The following PAFAH1B2 variants were observed in gnomAD, a reference collection of about 807,000 sequenced individuals.
PAFAH1B2 encodes the protein platelet activating factor acetylhydrolase 1b catalytic subunit 2, also known as platelet-activating factor acetylhydrolase IB subunit alpha2.
Under a neutral mutation model 28.0 loss-of-function variants are expected in PAFAH1B2, and 8 were observed. The observed-to-expected ratio is 0.29, with a 90% confidence interval of 0.17 to 0.52. PAFAH1B2 has a LOEUF of 0.52. Among genes scored for constraint, PAFAH1B2 ranks in the 20% least tolerant of loss-of-function variants. The pLI, the probability that PAFAH1B2 is intolerant of heterozygous loss-of-function variation, is 0.97. For synonymous variants in PAFAH1B2, 104 were observed against 103.2 expected (o/e 1.01, Z -0.05); for missense variants, 190 against 282.6 (o/e 0.67, Z 2.35).
downstream of PAFAH1B2, among the ~76,000 whole-genome samples, chr11:117,172,796 T>C (rs1333207669): frequency 6.6e-6 from 1 of 152,216 alleles, no homozygotes; most frequent in Non-Finnish European, 1.5e-5. Flanking sequence ...CTCTGCCTCC[T>C]GGATTCATGT....
chr11:117,149,430 G>GTTT lies in PAFAH1B2; in HGVS notation c.-7-2999_-7-2997dup, dbSNP rs746125678. On this transcript the variant is annotated intron_variant, in intron 1 of 5. Coordinates refer to ENST00000527958, the MANE Select transcript of PAFAH1B2 (RefSeq NM_002572.4). Reference sequence around the variant, plus strand: ...TTAATTTAAAAAAAGTTTTCTAATCGTTTTTTTTTTTTTTGAGATGGAGTC... The same window carrying GTTT: ...TTAATTTAAAAAAAGTTTTCTAATCGTTTTTTTTTTTTTTTTTGAGATGGAGTC... Among the ~76,000 whole-genome samples, 13 of 86,050 alleles carry GTTT rather than the reference G, an allele frequency of 1.5e-4. 5 individuals are homozygous for GTTT. Among genetic ancestry groups the GTTT allele is most frequent in the African/African-American group, 4.2e-4 (9 of 21,568 alleles). 56.5% of individuals were successfully genotyped at this position (86,050 alleles called of 152,430 possible). A position where few individuals can be genotyped will look rare whatever the true frequency, so the allele number is the denominator to read the frequency against.
At chr11:117,162,953 A>G (rs1243448754) in intron 4 of PAFAH1B2, among the ~76,000 whole-genome samples, 1 of 152,052 alleles carries the variant, frequency 6.6e-6, no homozygotes, top group Non-Finnish European at 1.5e-5. Flanking sequence ...CAGTGTCCCA[A>G]AGCATTGAGA....
intron 4 of PAFAH1B2, among the ~76,000 whole-genome samples, chr11:117,162,749 G>A (rs560611340): frequency 9.2e-5 from 14 of 151,964 alleles, no homozygotes; most frequent in East Asian, 5.8e-4. Flanking sequence ...GGAAGACTCC[G>A]TTTCAAAAAT....
At position 117,156,320 on chromosome 11, in the gene PAFAH1B2, A is replaced by G. The variant is rs137980769; in HGVS notation, c.82-3614A>G. Among the ~76,000 whole-genome samples, 61 of 152,364 alleles carry G rather than the reference A, an allele frequency of 4.0e-4. 1 individual carries two copies. In the East Asian group the frequency reaches 6.2e-3, roughly 15 times the overall value. ...TCAAGTACCTAGTGGGTGCCAGTCA[A>G]TAGCTGGGACTCTTTAACAACTCTA... On this transcript the variant is annotated intron_variant, in intron 2 of 5. Coordinates refer to ENST00000527958, the MANE Select transcript of PAFAH1B2 (RefSeq NM_002572.4).
Position 117,144,385 on chromosome 11 carries a change from A to G in PAFAH1B2, c.-41A>G. 2.4e-6 allele frequency: 1 copy of G among 418,368 alleles called. No homozygotes were observed. The highest frequency in any genetic ancestry group is 4.9e-6 in the Non-Finnish European group (1 of 205,272). 25.9% of individuals were successfully genotyped at this position (418,368 alleles called of 1,614,324 possible). A position where few individuals can be genotyped will look rare whatever the true frequency, so the allele number is the denominator to read the frequency against. ...CCGACGCGCCACCCGCCGACGCCTC[A>G]GCCGCTTGGGGCCCGCACGGACCCT... On this transcript the variant is annotated 5_prime_UTR_variant, in exon 1 of 6. Transcript: ENST00000527958.
intron 5 of PAFAH1B2, among the ~76,000 whole-genome samples, chr11:117,166,747 G>T (rs191740820): frequency 1.3e-5 from 2 of 152,236 alleles, no homozygotes; most frequent in Admixed American, 6.5e-5. Context: ...GTATATTATG[G>T]TGTGGGTTCC....
chr11:117,173,179 A>C (rs1956709993), downstream of PAFAH1B2, among the ~76,000 whole-genome samples: 1 of 152,240 alleles, frequency 6.6e-6, no homozygotes. Context: ...TGTTGGTTTC[A>C]TCACGTGGCC....
intron 4 of PAFAH1B2, among the ~76,000 whole-genome samples, chr11:117,162,570 C>A (rs1235530441): frequency 6.7e-6 from 1 of 149,940 alleles, no homozygotes; most frequent in Non-Finnish European, 1.5e-5. Context: ...TTCACGACCA[C>A]CCTGGCCAGC....
At chr11:117,144,696 C>T (rs951555433) in intron 1 of PAFAH1B2, among the ~76,000 whole-genome samples, 3 of 152,130 alleles carry the variant, frequency 2.0e-5, no homozygotes, top group African/African-American at 7.2e-5. Flanking sequence ...AGCCGCCGGC[C>T]GGCGCCTCCA....
chr11:117,148,542 G>T (rs1164518548), intron 1 of PAFAH1B2, among the ~76,000 whole-genome samples: 1 of 152,102 alleles, frequency 6.6e-6, no homozygotes, highest in African/African-American at 2.4e-5. Context: ...CACAGGGTCT[G>T]GTAAATAGTA....
Position 117,144,331 on chromosome 11 carries a change from G to C in PAFAH1B2, c.-95G>C, listed in dbSNP as rs1288995002. On this transcript the variant is annotated 5_prime_UTR_variant, in exon 1 of 6. Coordinates refer to ENST00000527958, the MANE Select transcript of PAFAH1B2 (RefSeq NM_002572.4). ...CTGGGGCCGGAGGAGGGACGCGCCGGAGCGGGACCGACGGGACCGAGCGAG... is the reference window on the plus strand; with the variant it reads ...CTGGGGCCGGAGGAGGGACGCGCCGCAGCGGGACCGACGGGACCGAGCGAG... 4.9e-6 allele frequency: 2 copies of C among 411,078 alleles called. No homozygotes were observed. The highest frequency in any genetic ancestry group is 9.4e-5 in the East Asian group (1 of 10,600). The allele number at this position is 411,078 out of a possible 1,614,324, so 25.5% of individuals were successfully genotyped here. A position where few individuals can be genotyped will look rare whatever the true frequency, so the allele number is the denominator to read the frequency against.
In PAFAH1B2 at chr11:117,169,306, AT is replaced by A; in HGVS notation, c.*1608del. ...TATATAAGAACTGCCATTAAAAAAA[AT>A]GGGATAATAGATGATTTTATCAGTA... On this transcript the variant is annotated 3_prime_UTR_variant, in exon 6 of 6. Transcript: ENST00000527958. 9.6e-7 allele frequency: 1 copy of A among 1,044,342 alleles called. No individual in the cohort carries two copies. Among genetic ancestry groups the A allele is most frequent in the Non-Finnish European group, 1.2e-6 (1 of 866,026 alleles). 64.7% of individuals were successfully genotyped at this position (1,044,342 alleles called of 1,614,324 possible).
chr11:117,162,605 T>TAA (rs1186205305), intron 4 of PAFAH1B2, among the ~76,000 whole-genome samples: 23 of 124,578 alleles, frequency 1.8e-4, no homozygotes, highest in Middle Eastern at 3.9e-3. Flanking sequence ...TCTCTAGATT[T>TAA]AAAAAAAAAA....
chr11:117,151,701 T>A (rs1392547538), intron 1 of PAFAH1B2, among the ~76,000 whole-genome samples: 4 of 152,210 alleles, frequency 2.6e-5, no homozygotes, highest in African/African-American at 9.6e-5. Context: ...GTAGTAATTC[T>A]GTAAGTGTTT....
intron 2 of PAFAH1B2, among the ~76,000 whole-genome samples, chr11:117,156,298 A>G (rs191647416): frequency 6.6e-6 from 1 of 152,256 alleles, no homozygotes; most frequent in African/African-American, 2.4e-5. Context: ...CCATTTATCA[A>G]GTACCTAGTG....
At chr11:117,151,929 G>C (rs1956160463) in intron 1 of PAFAH1B2, among the ~76,000 whole-genome samples, 1 of 151,830 alleles carries the variant, frequency 6.6e-6, no homozygotes, top group Non-Finnish European at 1.5e-5. Flanking sequence ...GGATGGTCTT[G>C]ATCTCCTGAC....
rs116090308 is a variant in PAFAH1B2 at position 117,148,519 on chromosome 11, A to G, written c.-7-3922A>G. ...TTTGAGCATCATGTTTATTTAAATA[A>G]CAAAGCTCCTAGCACAGGGTCTGGT... On this transcript the variant is annotated intron_variant, in intron 1 of 5. Coordinates refer to ENST00000527958, the MANE Select transcript of PAFAH1B2 (RefSeq NM_002572.4). Among the ~76,000 whole-genome samples, 777 of 152,320 alleles carry G rather than the reference A, an allele frequency of 5.1e-3. 7 individuals carry two copies. The highest frequency in any genetic ancestry group is 0.018 in the African/African-American group (740 of 41,578).
At chr11:117,171,816 T>G, downstream of PAFAH1B2, 1 of 1,247,488 alleles carries the variant, frequency 8.0e-7, no homozygotes, top group Non-Finnish European at 1.1e-6. Flanking sequence ...TCATTTGCTT[T>G]ATCACTGTTC....
At chr11:117,152,308 T>G in intron 1 of PAFAH1B2, 133 bp from the exon 2 acceptor site, 1 of 619,580 alleles carries the variant, frequency 1.6e-6, no homozygotes, top group Non-Finnish European at 2.9e-6. Context: ...TTGTTTCTGT[T>G]TAGTTTCCCA....
Sources: allele counts gnomAD v4.1 joint callset (sites outside exome capture counted in the v4.1 genomes callset), GRCh38; gene constraint gnomAD v4.1.1; transcripts MANE v1.5; gene names NCBI Gene and HGNC (gene_info 2026-07-23, HGNC 2026-07-21).